The following NALF1 variants were observed in gnomAD, a reference collection of about 807,000 sequenced individuals.
NALF1 encodes the protein NALCN channel auxiliary factor 1.
NALF1 carries 3 observed loss-of-function variants against 48.4 expected under a neutral mutation model. That is an observed-to-expected ratio of 0.06 (90% CI 0.03 to 0.16). NALF1 has a LOEUF of 0.16. Among genes scored for constraint, NALF1 ranks in the 10% least tolerant of loss-of-function variants. NALF1 has a pLI of 1.00. For missense variants in NALF1, 526 were observed against 571.5 expected (o/e 0.92, Z 0.81); for synonymous variants, 262 against 245.7 (o/e 1.07, Z -0.62).
intron 1 of NALF1, among the ~76,000 whole-genome samples, chr13:107,377,693 C>T (rs1883361777): frequency 6.6e-6 from 1 of 152,200 alleles, no homozygotes; most frequent in African/African-American, 2.4e-5. Flanking sequence ...GTCAAAGGGA[C>T]TGGAGAATGC....
At chr13:107,275,707 C>T (rs911571788) in intron 1 of NALF1, among the ~76,000 whole-genome samples, 3 of 152,116 alleles carry the variant, frequency 2.0e-5, no homozygotes, top group African/African-American at 7.2e-5. Context: ...TTGGTCTAAG[C>T]GTGTCTCCAA....
intron 1 of NALF1, among the ~76,000 whole-genome samples, chr13:107,534,989 T>G (rs1876757921): frequency 6.6e-6 from 1 of 152,190 alleles, no homozygotes; most frequent in Non-Finnish European, 1.5e-5. Context: ...GGAGTGTTTC[T>G]GTTATTGCTG....
At chr13:107,555,827 T>C (rs1210405775) in intron 1 of NALF1, among the ~76,000 whole-genome samples, 1 of 152,090 alleles carries the variant, frequency 6.6e-6, no homozygotes, top group Non-Finnish European at 1.5e-5. Context: ...TGGAAAATTT[T>C]AGAAGAAATT....
At chr13:107,533,608 G>T (rs1379936818) in intron 1 of NALF1, among the ~76,000 whole-genome samples, 1 of 152,080 alleles carries the variant, frequency 6.6e-6, no homozygotes, top group Non-Finnish European at 1.5e-5. Context: ...ACAAACAAAT[G>T]AAGATATTCT....
At position 107,167,010 on chromosome 13, in the gene NALF1, G is replaced by GT; in HGVS notation, c.*3486dup. The GT allele has an allele frequency of 6.6e-6, 1 of 152,184 alleles. No individual in the cohort carries two copies. The highest frequency in any genetic ancestry group is 2.4e-5 in the African/African-American group (1 of 41,516). 9.4% of individuals were successfully genotyped at this position (152,184 alleles called of 1,614,324 possible). A position where few individuals can be genotyped will look rare whatever the true frequency, so the allele number is the denominator to read the frequency against. On this transcript the variant is annotated 3_prime_UTR_variant, in exon 3 of 3. Coordinates refer to ENST00000375915, the MANE Select transcript of NALF1 (RefSeq NM_001080396.3). Reference sequence around the variant, plus strand: ...TAATGCAAGAAAAGTTCAATATAACGTATCACCAAATGTAAATGCAATAAA... The same window carrying GT: ...TAATGCAAGAAAAGTTCAATATAACGTTATCACCAAATGTAAATGCAATAAA...
chr13:107,615,423 T>C (rs1285131641), intron 1 of NALF1, among the ~76,000 whole-genome samples: 2 of 152,198 alleles, frequency 1.3e-5, no homozygotes, highest in East Asian at 1.9e-4. Flanking sequence ...CCTGTCAAAG[T>C]CTCATGATTG....
chr13:107,338,736 G>A (rs2138931701), intron 1 of NALF1, among the ~76,000 whole-genome samples: 1 of 152,264 alleles, frequency 6.6e-6, no homozygotes, highest in African/African-American at 2.4e-5. Flanking sequence ...CAGTTGTGAG[G>A]TATAAAAGGA....
chr13:107,842,054 AT>A (rs1399825753), intron 1 of NALF1, among the ~76,000 whole-genome samples: 2 of 152,066 alleles, frequency 1.3e-5, no homozygotes, highest in East Asian at 3.8e-4. Flanking sequence ...TACATAATAA[AT>A]TTTTAAAATT....
chr13:107,558,588 C>T (rs1318356993), intron 1 of NALF1, among the ~76,000 whole-genome samples: 3 of 152,152 alleles, frequency 2.0e-5, no homozygotes, highest in South Asian at 2.1e-4. Context: ...TAAGGTATGG[C>T]TTGAACTGGA....
intron 1 of NALF1, among the ~76,000 whole-genome samples, chr13:107,658,343 C>T (rs1011854286): frequency 6.6e-6 from 1 of 151,966 alleles, no homozygotes; most frequent in African/African-American, 2.4e-5. Context: ...ACTTTCCATG[C>T]CTCTGGATCT....
chr13:107,256,077 T>C (rs1424648378), intron 1 of NALF1, among the ~76,000 whole-genome samples: 2 of 152,200 alleles, frequency 1.3e-5, no homozygotes, highest in Non-Finnish European at 2.9e-5. Flanking sequence ...AGAAAGCCCA[T>C]TTTTAAATTT....
At chr13:107,721,979 T>G (rs79897111) in intron 1 of NALF1, among the ~76,000 whole-genome samples, 1 of 152,084 alleles carries the variant, frequency 6.6e-6, no homozygotes, top group Admixed American at 6.5e-5. Flanking sequence ...TCACTGAGGG[T>G]TCCCCCCCTC....
chr13:107,854,600 C>T (rs576365636), intron 1 of NALF1, among the ~76,000 whole-genome samples: 9 of 152,198 alleles, frequency 5.9e-5, no homozygotes, highest in East Asian at 1.9e-4. Context: ...GGGTCAGCGG[C>T]GGTGGCTCAC....
In NALF1 at chr13:107,169,078, A is replaced by G. The variant is rs1878732843; in HGVS notation, c.*1419T>C. ...CATAAAAGCCTTTTATAGAAAGCAA[A>G]TTCATGTACACTCAGCAGGTGAAAT... On this transcript the variant is annotated 3_prime_UTR_variant, in exon 3 of 3. Transcript: ENST00000375915. 1.3e-5 allele frequency: 2 copies of G among 152,586 alleles called. No homozygotes were observed. The highest frequency in any genetic ancestry group is 6.5e-5 in the Admixed American group (1 of 15,274). 9.5% of individuals were successfully genotyped at this position (152,586 alleles called of 1,614,324 possible). A position where few individuals can be genotyped will look rare whatever the true frequency, so the allele number is the denominator to read the frequency against.
At chr13:107,566,423 C>T (rs1206202346) in intron 1 of NALF1, among the ~76,000 whole-genome samples, 1 of 152,140 alleles carries the variant, frequency 6.6e-6, no homozygotes, top group Non-Finnish European at 1.5e-5. Context: ...TGTAGTGGTG[C>T]AATGGCCCTG....
intron 1 of NALF1, among the ~76,000 whole-genome samples, chr13:107,667,318 T>A (rs1273895078): frequency 4.6e-5 from 7 of 151,984 alleles, no homozygotes; most frequent in African/African-American, 1.7e-4. Flanking sequence ...AATATTTATA[T>A]CCTTCAAGTC....
intron 1 of NALF1, among the ~76,000 whole-genome samples, chr13:107,638,482 C>A (rs774673686): frequency 1.3e-4 from 19 of 151,858 alleles, no homozygotes; most frequent in Admixed American, 4.6e-4. Flanking sequence ...AGGATAGCAG[C>A]GAATGAGGCA....
chr13:107,177,587 C>G (rs1324643192), intron 2 of NALF1, among the ~76,000 whole-genome samples: 1 of 152,138 alleles, frequency 6.6e-6, no homozygotes, highest in Non-Finnish European at 1.5e-5. Flanking sequence ...AAAAACAAAT[C>G]CACACATCTA....
intron 1 of NALF1, among the ~76,000 whole-genome samples, chr13:107,347,059 T>C (rs542531244): frequency 3.9e-5 from 6 of 152,174 alleles, no homozygotes; most frequent in Non-Finnish European, 8.8e-5. Flanking sequence ...ATTAGAAAAA[T>C]GGTGGATTAT....
Sources: allele counts gnomAD v4.1 joint callset (sites outside exome capture counted in the v4.1 genomes callset), GRCh38; gene constraint gnomAD v4.1.1; transcripts MANE v1.5; gene names NCBI Gene and HGNC (gene_info 2026-07-23, HGNC 2026-07-21).